Variants in MAGI2 observed in about 807,000 individuals in gnomAD.
MAGI2 encodes the protein membrane-associated guanylate kinase, WW and PDZ domain-containing protein 2.
Under a neutral mutation model 133.3 loss-of-function variants are expected in MAGI2, and 35 were observed. The observed-to-expected ratio is 0.26, with a 90% CI of 0.20 to 0.35. MAGI2 has a LOEUF of 0.35. Ranked by LOEUF, MAGI2 falls within the 10% of genes least tolerant of loss-of-function variation. The pLI, the probability that MAGI2 is intolerant of heterozygous loss-of-function variation, is 1.00. For synonymous variants in MAGI2, 729 were observed against 710.6 expected, an observed-to-expected ratio of 1.03 and a Z score of -0.41; for missense variants, 1,636 against 1,863.4, an observed-to-expected ratio of 0.88 and a Z score of 2.25.
chr7:78,835,387 A>C (rs1041551027), intron 2 of MAGI2, among the ~76,000 whole-genome samples: 4 of 152,226 alleles, frequency 2.6e-5, no homozygotes, highest in African/African-American at 9.6e-5. Flanking sequence ...AGCATGTAAT[A>C]TGTGAATATG....
chr7:79,102,278 T>A (rs1423678457), intron 1 of MAGI2, among the ~76,000 whole-genome samples: 1 of 152,182 alleles, frequency 6.6e-6, no homozygotes, highest in Non-Finnish European at 1.5e-5. Flanking sequence ...CTTTTTTTGC[T>A]CTTAAAAATA....
chr7:78,403,708 G>T (rs1407665620), intron 6 of MAGI2, among the ~76,000 whole-genome samples: 1 of 152,040 alleles, frequency 6.6e-6, no homozygotes, highest in Admixed American at 6.6e-5. Context: ...GGTGTGAGAT[G>T]GTATCTCATT....
chr7:79,440,813 C>T (rs1442514371), intron 1 of MAGI2, among the ~76,000 whole-genome samples: 1 of 152,168 alleles, frequency 6.6e-6, no homozygotes, highest in Non-Finnish European at 1.5e-5. Context: ...CTAGTCCTAG[C>T]TTCATTATTT....
intron 1 of MAGI2, among the ~76,000 whole-genome samples, chr7:79,044,933 T>C (rs1812034244): frequency 6.6e-6 from 1 of 152,212 alleles, no homozygotes; most frequent in Non-Finnish European, 1.5e-5. Flanking sequence ...CCTTGTTATT[T>C]ACCTGAGGAA....
At chr7:78,499,008 A>T (rs1794378542) in intron 5 of MAGI2, among the ~76,000 whole-genome samples, 1 of 152,004 alleles carries the variant, frequency 6.6e-6, no homozygotes, top group Admixed American at 6.6e-5. Flanking sequence ...AATACTGTCC[A>T]CCAGTCCTTC....
intron 2 of MAGI2, among the ~76,000 whole-genome samples, chr7:78,890,468 T>C (rs1563630073): frequency 6.6e-6 from 1 of 152,134 alleles, no homozygotes; most frequent in Admixed American, 6.5e-5. Flanking sequence ...ATTGACCACA[T>C]AGTTGGAAGT....
intron 6 of MAGI2, among the ~76,000 whole-genome samples, chr7:78,418,737 C>A (rs1220110176): frequency 6.6e-6 from 1 of 152,016 alleles, no homozygotes; most frequent in Non-Finnish European, 1.5e-5. Context: ...CAGTTTCAGT[C>A]TCATCTGAAA....
intron 9 of MAGI2, among the ~76,000 whole-genome samples, chr7:78,285,266 G>T (rs1796028253): frequency 1.3e-5 from 2 of 152,138 alleles, no homozygotes; most frequent in South Asian, 4.1e-4. Context: ...TCCATTTTTA[G>T]AACTCCTTTG....
intron 2 of MAGI2, among the ~76,000 whole-genome samples, chr7:78,744,581 GA>G (rs1478398477): frequency 7.9e-5 from 12 of 152,086 alleles, no homozygotes; most frequent in Admixed American, 3.3e-4. Context: ...TGGTTTGTAT[GA>G]AGTTGTGACT....
At chr7:78,391,206 G>T (rs2151315640) in intron 6 of MAGI2, among the ~76,000 whole-genome samples, 1 of 152,220 alleles carries the variant, frequency 6.6e-6, no homozygotes, top group Middle Eastern at 3.4e-3. Flanking sequence ...CCTTTGTATT[G>T]AATTCCTTGT....
chr7:79,186,467 A>G (rs1827154113), intron 1 of MAGI2, among the ~76,000 whole-genome samples: 1 of 148,768 alleles, frequency 6.7e-6, no homozygotes, highest in Admixed American at 6.8e-5. Context: ...CATCAAATTT[A>G]TAAAAACAAA....
intron 10 of MAGI2, among the ~76,000 whole-genome samples, chr7:78,228,808 C>A (rs996094193): frequency 6.6e-6 from 1 of 152,162 alleles, no homozygotes; most frequent in African/African-American, 2.4e-5. Context: ...TGATCCTGCC[C>A]ACATTGAAAA....
chr7:78,590,131 G>T (rs1803845815), intron 3 of MAGI2, among the ~76,000 whole-genome samples: 2 of 152,216 alleles, frequency 1.3e-5, no homozygotes, highest in Admixed American at 1.3e-4. Context: ...AGAGGGAGTA[G>T]TTTTGCAGGA....
At chr7:79,257,142 A>G (rs556240720) in intron 1 of MAGI2, among the ~76,000 whole-genome samples, 16 of 152,222 alleles carry the variant, frequency 1.1e-4, no homozygotes, top group African/African-American at 2.6e-4. Context: ...TGATAAATAC[A>G]TACAGTTTTA....
chr7:79,417,249 G>A (rs1846598271), intron 1 of MAGI2, among the ~76,000 whole-genome samples: 1 of 152,022 alleles, frequency 6.6e-6, no homozygotes, highest in Admixed American at 6.6e-5. Flanking sequence ...TTTAGAGCAT[G>A]GCTTGAAGTC....
intron 6 of MAGI2, among the ~76,000 whole-genome samples, chr7:78,467,886 C>A (rs1584273615): frequency 6.6e-6 from 1 of 152,110 alleles, no homozygotes. Context: ...TAAATTGTCA[C>A]AAGATATCTT....
At chr7:78,049,235 A>G (rs948352746) in intron 21 of MAGI2, among the ~76,000 whole-genome samples, 2 of 152,208 alleles carry the variant, frequency 1.3e-5, no homozygotes, top group African/African-American at 4.8e-5. Flanking sequence ...GAAATAAAAG[A>G]CGAGACGGCA....
At position 78,018,405 on chromosome 7, in the gene MAGI2, T is replaced by G. The variant is rs1433685277; in HGVS notation, c.*910A>C. On this transcript the variant is annotated 3_prime_UTR_variant, in exon 22 of 22. Transcript: ENST00000354212. ...TGCTGACAAAGAAGCTATCCATCTC[T>G]GCTAGCCTGGGACGACAGAAAAGCC... The G allele has an allele frequency of 6.6e-6, 1 of 152,368 alleles. No individual in the cohort carries two copies. Among genetic ancestry groups the G allele is most frequent in the Non-Finnish European group, 1.5e-5 (1 of 68,046 alleles). The allele number at this position is 152,368 out of a possible 1,614,324, so 9.4% of individuals were successfully genotyped here.
At chr7:79,028,511 T>C (rs5004248) in intron 1 of MAGI2, among the ~76,000 whole-genome samples, 88,977 of 150,586 alleles carry the variant, frequency 0.59, 26,598 homozygotes, top group East Asian at 0.64. Context: ...GCTCAAGGAG[T>C]AGAAAATAGT....
Sources: gnomAD v4.1 joint callset for allele counts (sites outside exome capture counted in the v4.1 genomes callset) on GRCh38, gnomAD v4.1.1 for gene constraint, MANE v1.5 for transcripts, NCBI Gene and HGNC (gene_info 2026-07-23, HGNC 2026-07-21) for gene names.